Variants in POLR3F observed in about 807,000 individuals in gnomAD.
POLR3F encodes the protein RNA polymerase III subunit F, also known as DNA-directed RNA polymerase III subunit RPC6.
In POLR3F, 31 loss-of-function variants were observed where a neutral mutation model predicts 43.6. The observed-to-expected ratio is 0.71, with a 90% confidence interval of 0.53 to 0.96. POLR3F has a LOEUF of 0.96. POLR3F is among the 40% of genes least tolerant of loss of function. The probability of loss-of-function intolerance (pLI) is 0.00; values close to 1 mark genes in which losing one functional copy is unlikely to be tolerated. For missense variants in POLR3F, 316 were observed against 391.7 expected, an observed-to-expected ratio of 0.81 and a Z score of 1.63; for synonymous variants, 114 against 132.5, an observed-to-expected ratio of 0.86 and a Z score of 0.96.
intron 7 of POLR3F, among the ~76,000 whole-genome samples, chr20:18,481,165 C>T (rs909439884): frequency 2.6e-5 from 4 of 152,164 alleles, no homozygotes; most frequent in African/African-American, 4.8e-5. Context: ...CCTATTGTTC[C>T]TCCTCTTTGT....
At chr20:18,467,666 G>T in intron 1 of POLR3F, 98 bp downstream of exon 1, 1 of 1,578,896 alleles carries the variant, frequency 6.3e-7, no homozygotes, top group East Asian at 2.3e-5. Context: ...GGCCGGAGCG[G>T]GTTAGGTGAG....
At chr20:18,472,290 G>T (rs993449584) in intron 2 of POLR3F, among the ~76,000 whole-genome samples, 1 of 151,974 alleles carries the variant, frequency 6.6e-6, no homozygotes, top group Non-Finnish European at 1.5e-5. Flanking sequence ...GCAGTGGTGC[G>T]ATCTCAGCTC....
chr20:18,474,736 G>A (rs910695364), intron 4 of POLR3F, among the ~76,000 whole-genome samples: 1 of 152,006 alleles, frequency 6.6e-6, no homozygotes, highest in African/African-American at 2.4e-5. Context: ...TGGCCAGGCT[G>A]GTCTCAAACT....
At chr20:18,475,406 T>G (rs934264504) in intron 5 of POLR3F, among the ~76,000 whole-genome samples, 7 of 152,260 alleles carry the variant, frequency 4.6e-5, no homozygotes, top group Non-Finnish European at 7.3e-5. Context: ...CTGTCTTCAG[T>G]GAAGAATCTT....
intron 8 of POLR3F, among the ~76,000 whole-genome samples, chr20:18,482,081 G>A (rs910115502): frequency 1.2e-4 from 18 of 147,836 alleles, no homozygotes; most frequent in Admixed American, 6.4e-4. Context: ...TCCAACTCCC[G>A]GGTTCAAGCA....
intron 5 of POLR3F, among the ~76,000 whole-genome samples, chr20:18,477,602 A>G (rs2059787126): frequency 6.6e-6 from 1 of 152,252 alleles, no homozygotes; most frequent in Admixed American, 6.5e-5. Flanking sequence ...AATAGTATTC[A>G]GTTATAAAAA....
intron 8 of POLR3F, 107 bp from the exon 9 acceptor site, chr20:18,483,374 C>T (rs778584699): frequency 2.5e-4 from 153 of 616,932 alleles, no homozygotes; most frequent in Non-Finnish European, 4.0e-4. Flanking sequence ...CAGTCCTAGT[C>T]CCTTTCAGTT....
rs1374987883 is a variant in POLR3F, at chr20:18,483,870, G to A, written c.*312G>A. 1.0e-5 allele frequency: 4 copies of A among 392,026 alleles called. No homozygotes were observed. The highest frequency in any genetic ancestry group is 3.6e-5 in the East Asian group (1 of 27,442). 24.3% of individuals were successfully genotyped at this position (392,026 alleles called of 1,614,324 possible). ...CAAGGAAAAAGATGCCAACATACCC[G>A]TATTTACCAAGTACTATGATAATGG... On this transcript the variant is annotated 3_prime_UTR_variant, in exon 9 of 9. Coordinates refer to ENST00000377603, the MANE Select transcript of POLR3F (RefSeq NM_006466.4).
rs1172061757 is a variant in POLR3F at position 18,484,045 on chromosome 20, T to C, written c.*487T>C. The stretch of plus-strand genomic sequence containing the variant: ...AATTAGAAGGGGTTAAAGGCAGGAA[T>C]AGCAAAGAGTGCAAACTTGGGGTAT... On this transcript the variant is annotated 3_prime_UTR_variant, in exon 9 of 9. Coordinates refer to ENST00000377603, the MANE Select transcript of POLR3F (RefSeq NM_006466.4). The C allele has an allele frequency of 2.0e-5, 8 of 398,476 alleles. No homozygotes were observed. Among genetic ancestry groups the C allele is most frequent in the Non-Finnish European group, 2.7e-5 (6 of 226,066 alleles). 24.7% of individuals were successfully genotyped at this position (398,476 alleles called of 1,614,324 possible).
At position 18,476,663 on chromosome 20, in the gene POLR3F, T is replaced by G. The variant is rs2059782286; in HGVS notation, c.429+1476T>G. Reference sequence around the variant, plus strand: ...GTCTATGAAAGAAAATGTTAATAAGTTGGAGTTTATCAAAATTTTTTGAAA... The same window carrying G: ...GTCTATGAAAGAAAATGTTAATAAGGTGGAGTTTATCAAAATTTTTTGAAA... On this transcript the variant is annotated intron_variant, in intron 5 of 8. Coordinates refer to ENST00000377603, the MANE Select transcript of POLR3F (RefSeq NM_006466.4). Among the ~76,000 whole-genome samples, 3 of 152,226 alleles carry G rather than the reference T, an allele frequency of 2.0e-5. No homozygotes were observed. In the South Asian group the frequency reaches 6.2e-4, roughly 32 times the overall value.
rs201177947 is a variant in POLR3F, at chr20:18,481,776, C to T, written c.839C>T (p.Thr280Ile). 8.0e-5 allele frequency: 129 copies of T among 1,613,594 alleles called. No individual in the cohort carries two copies. The highest frequency in any genetic ancestry group is 3.3e-4 in the Middle Eastern group (2 of 6,062). The change falls in exon 8 of 9, where the codon ACA (threonine) becomes ATA (isoleucine). Residue 280 changes from threonine (T) to isoleucine (I), a missense_variant. By Grantham distance (89) the Thr-to-Ile change is moderately conservative. Coordinates refer to ENST00000377603, the MANE Select transcript of POLR3F (RefSeq NM_006466.4). The stretch of plus-strand genomic sequence containing the variant: ...GCAGTCAATCCAATCATCCCTCCCA[C>T]AGGTTTGGTCCGGGCACCCTGTGGA... ...YRAVNPIIPP[T>I]GLVRAPCGLC...
At position 18,467,479 on chromosome 20, in the gene POLR3F, C is replaced by A. The variant is rs780260147; in HGVS notation, c.-28C>A. 10 of 1,612,236 alleles carry A rather than the reference C, an allele frequency of 6.2e-6. No individual in the cohort carries two copies. The South Asian group carries it at 6.6e-5, about 11-fold the overall frequency. On this transcript the variant is annotated 5_prime_UTR_variant, in exon 1 of 9. Transcript: ENST00000377603. ...CTACCGGGCTGCTCCGTGCATCTTT[C>A]CCCCCAGGCGTCAGGAACTGCGCCC...
At position 18,467,401 on chromosome 20, in the gene POLR3F, C is replaced by T. The variant is rs1466480589; in HGVS notation, c.-106C>T. On this transcript the variant is annotated 5_prime_UTR_variant, in exon 1 of 9. Coordinates refer to ENST00000377603, the MANE Select transcript of POLR3F (RefSeq NM_006466.4). ...GGCTGCGACACGAGGAAGAAGGCCC[C>T]TCGGCCTCAGCAGAGCGCTATCCTC... 3.2e-6 allele frequency: 4 copies of T among 1,262,366 alleles called. No individual in the cohort carries two copies. The highest frequency in any genetic ancestry group is 2.4e-5 in the East Asian group (1 of 42,352). The allele number at this position is 1,262,366 out of a possible 1,614,324, so 78.2% of individuals were successfully genotyped here.
intron 8 of POLR3F, among the ~76,000 whole-genome samples, chr20:18,482,571 G>A (rs576797478): frequency 4.6e-5 from 7 of 152,204 alleles, no homozygotes; most frequent in South Asian, 2.1e-4. Flanking sequence ...AGAAGTAACC[G>A]GGATTCAAAC....
At chr20:18,480,986 C>A (rs117059515) in intron 7 of POLR3F, among the ~76,000 whole-genome samples, 210 of 152,210 alleles carry the variant, frequency 1.4e-3, no homozygotes, top group Non-Finnish European at 2.4e-3. Flanking sequence ...GTCTAAAGTG[C>A]CTTTCTGCTC....
At chr20:18,468,535 C>T (rs1430581027) in intron 1 of POLR3F, among the ~76,000 whole-genome samples, 1 of 152,054 alleles carries the variant, frequency 6.6e-6, no homozygotes, top group African/African-American at 2.4e-5. Flanking sequence ...AAACAGGCCC[C>T]ATTATGGTGA....
chr20:18,484,452 A>C lies in POLR3F; in HGVS notation c.*894A>C. The C allele has an allele frequency of 1.2e-5, 3 of 252,858 alleles. No individual in the cohort carries two copies. Among genetic ancestry groups the C allele is most frequent in the Non-Finnish European group, 2.2e-5 (3 of 134,094 alleles). 15.7% of individuals were successfully genotyped at this position (252,858 alleles called of 1,614,324 possible). A position where few individuals can be genotyped will look rare whatever the true frequency, so the allele number is the denominator to read the frequency against. ...ATAGGTCAGGAGAGTAACAGCGCTC[A>C]TGAATGGGATTAGTGCCCTTATATA... On this transcript the variant is annotated 3_prime_UTR_variant, in exon 9 of 9. Coordinates refer to ENST00000377603, the MANE Select transcript of POLR3F (RefSeq NM_006466.4).
In POLR3F at chr20:18,483,752, G is replaced by T; in HGVS notation, c.*194G>T. The T allele has an allele frequency of 2.3e-6, 1 of 427,562 alleles. No individual in the cohort carries two copies. Among genetic ancestry groups the T allele is most frequent in the Non-Finnish European group, 4.1e-6 (1 of 244,446 alleles). 26.5% of individuals were successfully genotyped at this position (427,562 alleles called of 1,614,324 possible). ...ATTGGTAAAATAGCCAGTAGAATAT[G>T]AAAGAAATAAGGTTAGTAGTGAAAT... On this transcript the variant is annotated 3_prime_UTR_variant, in exon 9 of 9. Coordinates refer to ENST00000377603, the MANE Select transcript of POLR3F (RefSeq NM_006466.4).
chr20:18,468,568 T>G (rs2059720904), intron 1 of POLR3F, among the ~76,000 whole-genome samples: 1 of 152,222 alleles, frequency 6.6e-6, no homozygotes, highest in African/African-American at 2.4e-5. Flanking sequence ...AATTTTGGCT[T>G]CCTACCAGAA....
Sources: allele counts gnomAD v4.1 joint callset (sites outside exome capture counted in the v4.1 genomes callset), GRCh38; gene constraint gnomAD v4.1.1; transcripts MANE v1.5; gene names NCBI Gene and HGNC (gene_info 2026-07-23, HGNC 2026-07-21).